Variants in ALCAM observed in about 807,000 individuals in gnomAD.
The protein encoded by ALCAM is CD166 antigen.
ALCAM carries 30 observed loss-of-function variants against 70.9 expected under a neutral mutation model. The ratio of observed to expected loss-of-function variants is 0.42; its 90% CI spans 0.32 to 0.57. The LOEUF (loss-of-function observed/expected upper bound fraction) is 0.57, where lower values mean the gene tolerates loss of function less well. Ranked by LOEUF, ALCAM falls within the 20% of genes least tolerant of loss-of-function variation. The pLI is 0.11. For synonymous variants in ALCAM, 249 were observed against 242.5 expected (o/e 1.03, Z -0.25); for missense variants, 591 against 695.1 (o/e 0.85, Z 1.68).
intron 1 of ALCAM, among the ~76,000 whole-genome samples, chr3:105,457,814 G>A (rs1326756024): frequency 6.6e-6 from 1 of 152,030 alleles, no homozygotes; most frequent in Non-Finnish European, 1.5e-5. Flanking sequence ...ACTTCCCAGG[G>A]TCTCCACAGC....
intron 1 of ALCAM, among the ~76,000 whole-genome samples, chr3:105,398,948 A>G (rs1405773882): frequency 6.7e-6 from 1 of 149,786 alleles, no homozygotes; most frequent in Non-Finnish European, 1.5e-5. Flanking sequence ...CTACATTCAC[A>G]CTTCTTTTAT....
At chr3:105,489,732 A>G in intron 1 of ALCAM, among the ~76,000 whole-genome samples, 1 of 151,784 alleles carries the variant, frequency 6.6e-6, no homozygotes, top group Non-Finnish European at 1.5e-5. Context: ...CAGAGGTACC[A>G]GTGTAAATAC....
rs116205138 is a variant in ALCAM, at chr3:105,506,290, G to A, written c.74-13777G>A. On this transcript the variant is annotated intron_variant, in intron 1 of 15. Coordinates refer to ENST00000306107, the MANE Select transcript of ALCAM (RefSeq NM_001627.4). Reference sequence around the variant, plus strand: ...TCTTATTAGCTGTTGTAAATACACAGAGAGGTAGAATTGTAGCTGAAGAAC... The same window carrying A: ...TCTTATTAGCTGTTGTAAATACACAAAGAGGTAGAATTGTAGCTGAAGAAC... Among the ~76,000 whole-genome samples, 821 of 152,296 alleles carry A rather than the reference G, an allele frequency of 5.4e-3. 12 individuals are homozygous for A. The highest frequency in any genetic ancestry group is 0.019 in the African/African-American group (793 of 41,562).
intron 1 of ALCAM, among the ~76,000 whole-genome samples, chr3:105,383,318 G>A (rs1490729792): frequency 1.3e-5 from 2 of 151,470 alleles, no homozygotes; most frequent in African/African-American, 4.8e-5. Flanking sequence ...TTTCTACCCA[G>A]CGTCTACTGA....
At chr3:105,453,426 G>T (rs554357418) in intron 1 of ALCAM, among the ~76,000 whole-genome samples, 1 of 152,076 alleles carries the variant, frequency 6.6e-6, no homozygotes, top group Non-Finnish European at 1.5e-5. Flanking sequence ...TGCTGCATTG[G>T]TCCCAATGTC....
At position 105,495,557 on chromosome 3, in the gene ALCAM, C is replaced by T. The variant is rs143253342; in HGVS notation, c.74-24510C>T. Among the ~76,000 whole-genome samples, 1,047 of 152,100 alleles carry T rather than the reference C, an allele frequency of 6.9e-3. 8 individuals are homozygous for T. Among genetic ancestry groups the T allele is most frequent in the African/African-American group, 0.023 (959 of 41,514 alleles). On this transcript the variant is annotated intron_variant, in intron 1 of 15. Coordinates refer to ENST00000306107, the MANE Select transcript of ALCAM (RefSeq NM_001627.4). ...AAACTCAGGCAATGAAATAGTGAGA[C>T]AACAAGTTTTAAAATAGATAACAGC...
intron 1 of ALCAM, among the ~76,000 whole-genome samples, chr3:105,510,444 T>C (rs1284637091): frequency 1.3e-5 from 2 of 152,132 alleles, no homozygotes; most frequent in South Asian, 2.1e-4. Context: ...GGGTAAGTTA[T>C]GTTCCCAGCA....
chr3:105,488,284 T>C lies in ALCAM; in HGVS notation c.74-31783T>C, dbSNP rs943459113. ...GTGAGCCAAATAAACCTCTTTTCTT[T>C]ATAAATTACCCAGCCTAACAAACAG... On this transcript the variant is annotated intron_variant, in intron 1 of 15. Coordinates refer to ENST00000306107, the MANE Select transcript of ALCAM (RefSeq NM_001627.4). Among the ~76,000 whole-genome samples, 6 of 152,228 alleles carry C rather than the reference T, an allele frequency of 3.9e-5. No homozygotes were observed. The East Asian group carries it at 7.7e-4, about 20-fold the overall frequency.
chr3:105,437,690 A>G (rs920735241), intron 1 of ALCAM, among the ~76,000 whole-genome samples: 1 of 147,280 alleles, frequency 6.8e-6, no homozygotes, highest in African/African-American at 2.5e-5. Flanking sequence ...TTTTTCCTCC[A>G]AAGGAAGAAA....
At chr3:105,387,809 A>G (rs139472371) in intron 1 of ALCAM, among the ~76,000 whole-genome samples, 2 of 151,666 alleles carry the variant, frequency 1.3e-5, no homozygotes, top group Admixed American at 6.6e-5. Context: ...TAATCACTTC[A>G]TATTTCTGTT....
intron 1 of ALCAM, among the ~76,000 whole-genome samples, chr3:105,442,696 A>T (rs1937201804): frequency 6.6e-6 from 1 of 151,842 alleles, no homozygotes; most frequent in Non-Finnish European, 1.5e-5. Context: ...CAGGAGAATG[A>T]TGTGAACCCG....
chr3:105,524,548 A>G, intron 3 of ALCAM, 40 bp downstream of exon 3: 1 of 1,611,890 alleles, frequency 6.2e-7, no homozygotes, highest in Non-Finnish European at 8.5e-7. Flanking sequence ...AGTGGGATTG[A>G]TGGCCAGTAC....
chr3:105,525,696 G>T (rs1452641822), intron 3 of ALCAM, among the ~76,000 whole-genome samples: 2 of 152,174 alleles, frequency 1.3e-5, no homozygotes, highest in Non-Finnish European at 2.9e-5. Context: ...GGACTTCAAA[G>T]CTCCTATGGG....
At chr3:105,571,616 A>T (rs1940862396) in intron 14 of ALCAM, among the ~76,000 whole-genome samples, 1 of 152,198 alleles carries the variant, frequency 6.6e-6, no homozygotes. Flanking sequence ...GTCTGTTTTC[A>T]AAATAATTGA....
chr3:105,575,699 C>T lies in ALCAM; in HGVS notation c.*1248C>T, dbSNP rs894427187. On this transcript the variant is annotated 3_prime_UTR_variant, in exon 16 of 16. Transcript: ENST00000306107. ...CTTTTTGAAGTAGACCAGATATGGG[C>T]TACTTGTGACTAGACTTTTAAACTT... The T allele has an allele frequency of 1.3e-5, 2 of 152,190 alleles. No homozygotes were observed. The highest frequency in any genetic ancestry group is 2.4e-5 in the African/African-American group (1 of 41,386). The allele number at this position is 152,190 out of a possible 1,614,324, so 9.4% of individuals were successfully genotyped here.
At chr3:105,561,698 C>T (rs547202719) in intron 14 of ALCAM, among the ~76,000 whole-genome samples, 46 of 152,212 alleles carry the variant, frequency 3.0e-4, no homozygotes, top group African/African-American at 1.1e-3. Context: ...CAAAAGAATC[C>T]TCAGGTTTGA....
In ALCAM at chr3:105,552,548, G is replaced by A; in HGVS notation, c.1627G>A (p.Ala543Thr). Reference sequence around the variant, plus strand: ...TGGTCTCCTCCTTGCTGCCCTTGTTGCTGGTGTCGTCTACTGGCTGTACAT... The same window carrying A: ...TGGTCTCCTCCTTGCTGCCCTTGTTACTGGTGTCGTCTACTGGCTGTACAT... The part of the protein sequence containing the change: ...VVGLLLAALV[A>T]GVVYWLYMKK... Residue 543 changes from alanine to threonine, a missense_variant, in exon 14 of 16, where the codon GCT becomes ACT. Ala to Thr is a moderately conservative substitution (Grantham distance 58). Coordinates refer to ENST00000306107, the MANE Select transcript of ALCAM (RefSeq NM_001627.4). The A allele has an allele frequency of 6.2e-7, 1 of 1,611,668 alleles. No homozygotes were observed. Among genetic ancestry groups the A allele is most frequent in the Non-Finnish European group, 8.5e-7 (1 of 1,178,314 alleles).
chr3:105,415,496 AAAC>A (rs1936485368), intron 1 of ALCAM, among the ~76,000 whole-genome samples: 1 of 152,144 alleles, frequency 6.6e-6, no homozygotes, highest in African/African-American at 2.4e-5. Context: ...TTTTAAAGGA[AAAC>A]AACCTGATGA....
At chr3:105,482,732 G>T (rs370498471) in intron 1 of ALCAM, among the ~76,000 whole-genome samples, 1 of 151,990 alleles carries the variant, frequency 6.6e-6, no homozygotes, top group South Asian at 2.1e-4. Context: ...TTAGAATTAT[G>T]TTGTTCTATA....
Sources: allele counts gnomAD v4.1 joint callset (sites outside exome capture counted in the v4.1 genomes callset), GRCh38; gene constraint gnomAD v4.1.1; transcripts MANE v1.5; gene names NCBI Gene and HGNC (gene_info 2026-07-23, HGNC 2026-07-21).